STARD13: variants seen among roughly 807,000 people sequenced by gnomAD.
STARD13 encodes the protein StAR related lipid transfer domain containing 13, also known as stAR-related lipid transfer protein 13.
In STARD13, 62 loss-of-function variants were observed where a neutral mutation model predicts 106.4. The ratio of observed to expected loss-of-function variants is 0.58; its 90% CI spans 0.48 to 0.72. The LOEUF (loss-of-function observed/expected upper bound fraction) is 0.72, where lower values mean the gene tolerates loss of function less well. Ranked by LOEUF, STARD13 falls within the 30% of genes least tolerant of loss-of-function variation. The pLI, the probability that STARD13 is intolerant of heterozygous loss-of-function variation, is 0.00. For synonymous variants in STARD13, 565 were observed against 553.0 expected (o/e 1.02, Z -0.31); for missense variants, 1,387 against 1,424.0 (o/e 0.97, Z 0.42).
At chr13:33,511,062 C>A in the STARD13 span, among the ~76,000 whole-genome samples, 2 of 152,164 alleles carry the variant, frequency 1.3e-5, no homozygotes, top group South Asian at 2.1e-4. Flanking sequence ...GTAATCCCAG[C>A]ACTTTGGGAG....
chr13:33,338,032 G>A (rs948080755), intron 1 of STARD13, among the ~76,000 whole-genome samples: 4 of 152,156 alleles, frequency 2.6e-5, no homozygotes, highest in African/African-American at 4.8e-5. Flanking sequence ...TGCAGGCTCC[G>A]GACTCCTGAC....
At chr13:33,549,377 A>G in the STARD13 span, among the ~76,000 whole-genome samples, 60 of 152,258 alleles carry the variant, frequency 3.9e-4, no homozygotes, top group South Asian at 0.012. Context: ...TCCCAGGATG[A>G]TATCATCATC....
chr13:33,474,600 C>T, the STARD13 span, among the ~76,000 whole-genome samples: 1 of 151,856 alleles, frequency 6.6e-6, no homozygotes, highest in South Asian at 2.1e-4. Flanking sequence ...TCTAATATAC[C>T]AGCTGGCTTT....
At chr13:33,158,569 C>G (rs1285716942) in intron 3 of STARD13, 3 of 152,198 alleles carry the variant, frequency 2.0e-5, no homozygotes, top group African/African-American at 7.2e-5. Flanking sequence ...GTAGAGCCCA[C>G]AAAGCTTTAA....
At chr13:33,177,797 AAGGAAAGGAAGGAAGGAAGGAAGG>A (rs1594048352) in intron 1 of STARD13, among the ~76,000 whole-genome samples, 2 of 29,992 alleles carry the variant, frequency 6.7e-5, no homozygotes, top group East Asian at 2.2e-3. Context: ...GGAAGGAAGG[AAGGAAAGGAAGGAAGGAAGGAAGG>A]AAGGAAGGAA....
chr13:33,540,656 G>A, the STARD13 span, among the ~76,000 whole-genome samples: 1 of 152,240 alleles, frequency 6.6e-6, no homozygotes, highest in African/African-American at 2.4e-5. Context: ...AAGGATGTTT[G>A]ATGAGTGCAG....
chr13:33,593,399 G>T, the STARD13 span, among the ~76,000 whole-genome samples: 3,725 of 152,160 alleles, frequency 0.024, 62 homozygotes, highest in Middle Eastern at 0.054. Flanking sequence ...TGTCCAGGCT[G>T]GTCTCAAACT....
At chr13:33,590,659 TG>T in the STARD13 span, among the ~76,000 whole-genome samples, 1 of 125,940 alleles carries the variant, frequency 7.9e-6, no homozygotes, top group African/African-American at 3.1e-5. Flanking sequence ...TGAGAACACT[TG>T]GGCACAGGAA....
chr13:33,502,218 T>G, the STARD13 span, among the ~76,000 whole-genome samples: 1 of 152,202 alleles, frequency 6.6e-6, no homozygotes, highest in African/African-American at 2.4e-5. Flanking sequence ...TGCCTGTGAT[T>G]TTTGCATATT....
intron 1 of STARD13, among the ~76,000 whole-genome samples, chr13:33,308,909 A>G (rs116244461): frequency 0.01 from 1,538 of 152,302 alleles, 36 homozygotes; most frequent in African/African-American, 0.035. Flanking sequence ...ATACCTGATC[A>G]TTGTCTGCCC....
At chr13:33,483,509 A>G in the STARD13 span, among the ~76,000 whole-genome samples, 1 of 152,194 alleles carries the variant, frequency 6.6e-6, no homozygotes, top group Non-Finnish European at 1.5e-5. Flanking sequence ...CCCAGTCTTA[A>G]AACTTGAAAC....
intron 3 of STARD13, among the ~76,000 whole-genome samples, chr13:33,144,688 A>G (rs541689020): frequency 6.6e-6 from 1 of 152,232 alleles, no homozygotes; most frequent in East Asian, 1.9e-4. Flanking sequence ...GGTCTGTTCC[A>G]CGTGTGTTAG....
the STARD13 span, among the ~76,000 whole-genome samples, chr13:33,492,047 G>C: frequency 1.3e-5 from 2 of 152,060 alleles, no homozygotes; most frequent in African/African-American, 4.8e-5. Flanking sequence ...TCTTTGGCGG[G>C]CAGGGGTGGG....
the STARD13 span, among the ~76,000 whole-genome samples, chr13:33,587,270 T>C: frequency 1.3e-5 from 2 of 151,456 alleles, no homozygotes; most frequent in South Asian, 4.2e-4. Context: ...GTAGCTAAAA[T>C]CTTGCAACAT....
At chr13:33,548,142 G>A in the STARD13 span, among the ~76,000 whole-genome samples, 1 of 152,098 alleles carries the variant, frequency 6.6e-6, no homozygotes, top group African/African-American at 2.4e-5. Context: ...AGTAATGCTA[G>A]GTGAAGGAAA....
At chr13:33,133,384 G>C (rs554002076) in intron 4 of STARD13, among the ~76,000 whole-genome samples, 6 of 151,806 alleles carry the variant, frequency 4.0e-5, no homozygotes, top group African/African-American at 1.2e-4. Flanking sequence ...AACAGCTCAG[G>C]GAAATTTTGC....
chr13:33,322,775 C>T (rs1276177051), intron 1 of STARD13, among the ~76,000 whole-genome samples: 1 of 152,136 alleles, frequency 6.6e-6, no homozygotes, highest in Non-Finnish European at 1.5e-5. Flanking sequence ...AAACCTAAGT[C>T]GATATTTGCT....
chr13:33,667,865 G>A, the STARD13 span, among the ~76,000 whole-genome samples: 1,641 of 152,278 alleles, frequency 0.011, 30 homozygotes, highest in African/African-American at 0.037. Flanking sequence ...AGGTTCCTCT[G>A]TACATCATGA....
the STARD13 span, among the ~76,000 whole-genome samples, chr13:33,579,514 T>G: frequency 2.6e-5 from 4 of 151,880 alleles, no homozygotes; most frequent in African/African-American, 9.7e-5. Flanking sequence ...GATAAAAAAC[T>G]ATATATTGAG....
Sources: allele counts gnomAD v4.1 joint callset (sites outside exome capture counted in the v4.1 genomes callset), GRCh38; gene constraint gnomAD v4.1.1; transcripts MANE v1.5; gene names NCBI Gene and HGNC (gene_info 2026-07-23, HGNC 2026-07-21).